The following KIRREL3 variants were observed in gnomAD, a reference collection of about 807,000 sequenced individuals.
KIRREL3 encodes the protein kirre like nephrin family adhesion molecule 3, also known as kin of IRRE-like protein 3.
In KIRREL3, 36 loss-of-function variants were observed where a neutral mutation model predicts 89.7. The observed-to-expected ratio is 0.40, with a 90% confidence interval of 0.31 to 0.53. KIRREL3 has a LOEUF of 0.53. KIRREL3 is among the 20% of genes least tolerant of loss of function. The pLI, the probability that KIRREL3 is intolerant of heterozygous loss-of-function variation, is 0.49. For synonymous variants in KIRREL3, 445 were observed against 441.4 expected (o/e 1.01, Z -0.10); for missense variants, 864 against 1,056.6 (o/e 0.82, Z 2.53).
rs1307851526 is a variant in KIRREL3, at chr11:126,769,524, A to T, written c.56-206612T>A. 1.3e-5 allele frequency among the ~76,000 whole-genome samples: 2 copies of T among 152,206 alleles called. No homozygotes were observed. The highest frequency in any genetic ancestry group is 4.8e-5 in the African/African-American group (2 of 41,462). ...CAGTTAATGAGAACGATAGGTATTGATTTGCATATGATATTCATGCATTTT... is the reference window on the plus strand; with the variant it reads ...CAGTTAATGAGAACGATAGGTATTGTTTTGCATATGATATTCATGCATTTT... On this transcript the variant is annotated intron_variant, in intron 1 of 16. Transcript: ENST00000525144. The surrounding 1 kb of genome is among the most constrained non-coding windows in gnomAD (Gnocchi z 4.3).
At chr11:126,842,909 A>G (rs1266085819) in intron 1 of KIRREL3, among the ~76,000 whole-genome samples, 3 of 152,008 alleles carry the variant, frequency 2.0e-5, no homozygotes, top group African/African-American at 4.8e-5. Flanking sequence ...TCTCCATCGG[A>G]GAGAATATGG....
rs1389142298 is a variant in KIRREL3, at chr11:126,817,450, G to A, written c.55+183005C>T. On this transcript the variant is annotated intron_variant, in intron 1 of 16. Coordinates refer to ENST00000525144, the MANE Select transcript of KIRREL3 (RefSeq NM_032531.4). This position sits in a 1 kb window ranked among gnomAD's most constrained non-coding sequence, Gnocchi z 5.7. ...AGCTTCCTCATTGTGGGGGACAGAA[G>A]GGGATGGTTTAGCAATATCCTCAGG... Among the ~76,000 whole-genome samples, 1 of 152,186 alleles carries A rather than the reference G, an allele frequency of 6.6e-6. No individual in the cohort carries two copies. Among genetic ancestry groups the A allele is most frequent in the Non-Finnish European group, 1.5e-5 (1 of 68,042 alleles).
In KIRREL3 at chr11:126,528,767, G is replaced by A. The variant is rs1178113281; in HGVS notation, c.134-2080C>T. ...AGAGGAGGGAGGGACTGGAGAGAGA[G>A]CAAAGGAGTGAAGTGAGGACGTGGG... On this transcript the variant is annotated intron_variant, in intron 2 of 16. Coordinates refer to ENST00000525144, the MANE Select transcript of KIRREL3 (RefSeq NM_032531.4). The surrounding 1 kb of genome is among the most constrained non-coding windows in gnomAD (Gnocchi z 4.6). 6.8e-6 allele frequency among the ~76,000 whole-genome samples: 1 copy of A among 146,748 alleles called. No homozygotes were observed. Among genetic ancestry groups the A allele is most frequent in the Admixed American group, 6.9e-5 (1 of 14,582 alleles).
At chr11:126,466,954 C>G (rs11220508) in intron 5 of KIRREL3, among the ~76,000 whole-genome samples, 26,071 of 152,230 alleles carry the variant, frequency 0.17, 2,712 homozygotes, top group East Asian at 0.38. Context: ...GCTGCCAGCC[C>G]CCGGCTCGCC....
At chr11:126,902,135 TC>T (rs1437375055) in intron 1 of KIRREL3, among the ~76,000 whole-genome samples, 1 of 152,234 alleles carries the variant, frequency 6.6e-6, no homozygotes, top group Non-Finnish European at 1.5e-5. Context: ...GGAGGCTTGT[TC>T]CAGTGGTCTC....
At position 126,432,966 on chromosome 11, in the gene KIRREL3, C is replaced by T. The variant is rs1331314620; in HGVS notation, c.1589-1440G>A. On this transcript the variant is annotated intron_variant, in intron 13 of 16. Transcript: ENST00000525144. The surrounding 1 kb of genome is among the most constrained non-coding windows in gnomAD (Gnocchi z 6.2). ...CGATCTCAGTTCACTGCAACCTCCG[C>T]CTCCTGGGTTCAAGCGATTCTCCTG... Among the ~76,000 whole-genome samples, 1 of 152,182 alleles carries T rather than the reference C, an allele frequency of 6.6e-6. No homozygotes were observed. The highest frequency in any genetic ancestry group is 1.9e-4 in the East Asian group (1 of 5,182).
In KIRREL3 at chr11:126,444,981, T is replaced by C. The variant is rs1405178211; in HGVS notation, c.1250A>G (p.Asn417Ser). 1 of 1,613,684 alleles carries C rather than the reference T, an allele frequency of 6.2e-7. No individual in the cohort carries two copies. Among genetic ancestry groups the C allele is most frequent in the Non-Finnish European group, 8.5e-7 (1 of 1,179,868 alleles). Residue 417 changes from asparagine (N) to serine (S), a missense_variant and splice_region_variant, in exon 10 of 17, where the codon AAT becomes AGT. Transcript: ENST00000525144. ...GCTCACCCCAGCGAGGGTCTTACCA[T>C]TGACGGTCAGGGTCACCTCTCTCTC... ...AGEREVTLTV[N>S]GPPIISSTQT... is the part of the protein sequence containing the mutation.
At position 126,640,140 on chromosome 11, in the gene KIRREL3, T is replaced by C. The variant is rs1253348436; in HGVS notation, c.56-77228A>G. 2.6e-5 allele frequency among the ~76,000 whole-genome samples: 4 copies of C among 152,176 alleles called. No individual in the cohort carries two copies. ...TTTACCCTGCATTGTACTAAAAAAA[T>C]AAGGCATAGAAGCTCTATGATTTTC... On this transcript the variant is annotated intron_variant, in intron 1 of 16. Transcript: ENST00000525144. This position sits in a 1 kb window ranked among gnomAD's most constrained non-coding sequence, Gnocchi z 4.9.
rs1957500880 is a variant in KIRREL3, at chr11:126,491,132, A to ATTGTG, written c.434-17667_434-17666insCACAA. 6.6e-6 allele frequency among the ~76,000 whole-genome samples: 1 copy of ATTGTG among 152,186 alleles called. No individual in the cohort carries two copies. Among genetic ancestry groups the ATTGTG allele is most frequent in the African/African-American group, 2.4e-5 (1 of 41,452 alleles). On this transcript the variant is annotated intron_variant, in intron 4 of 16. Transcript: ENST00000525144. This position sits in a 1 kb window ranked among gnomAD's most constrained non-coding sequence, Gnocchi z 5.5. ...TCCCAAAGACAAGCCCTGAGTCTCC[A>ATTGTG]GGCCACCACTTTCTACCTGCGTGGA...
At chr11:126,910,899 T>G (rs1946789206) in intron 1 of KIRREL3, among the ~76,000 whole-genome samples, 2 of 152,224 alleles carry the variant, frequency 1.3e-5, no homozygotes, top group African/African-American at 4.8e-5. Flanking sequence ...CCAGCAGTGA[T>G]GCTGGACTAG....
Position 126,579,309 on chromosome 11 carries a change from C to A in KIRREL3, c.56-16397G>T, listed in dbSNP as rs1181740704. On this transcript the variant is annotated intron_variant, in intron 1 of 16. Transcript: ENST00000525144. This position sits in a 1 kb window ranked among gnomAD's most constrained non-coding sequence, Gnocchi z 5.3. ...CCAATTTCTTAAATTGCATCCAGGG[C>A]CAAGGGGTGCAAGCTGCTCTGTCAG... Among the ~76,000 whole-genome samples the A allele has an allele frequency of 6.6e-6, 1 of 152,058 alleles. No homozygotes were observed. Among genetic ancestry groups the A allele is most frequent in the Non-Finnish European group, 1.5e-5 (1 of 68,006 alleles).
At chr11:126,681,220 G>A (rs948491181) in intron 1 of KIRREL3, among the ~76,000 whole-genome samples, 20 of 152,168 alleles carry the variant, frequency 1.3e-4, no homozygotes, top group Admixed American at 4.6e-4. Context: ...TAGATAGGCT[G>A]CCTAGGGTCT....
rs1377547363 is a variant in KIRREL3 at position 126,802,569 on chromosome 11, G to C, written c.55+197886C>G. Among the ~76,000 whole-genome samples, 1 of 152,120 alleles carries C rather than the reference G, an allele frequency of 6.6e-6. No individual in the cohort carries two copies. Among genetic ancestry groups the C allele is most frequent in the African/African-American group, 2.4e-5 (1 of 41,422 alleles). ...GACCTGGCATGTCTACATGGCCTCA[G>C]TGTGAGTGAGTGTGGGCATGTGTGT... On this transcript the variant is annotated intron_variant, in intron 1 of 16. Coordinates refer to ENST00000525144, the MANE Select transcript of KIRREL3 (RefSeq NM_032531.4). The surrounding 1 kb of genome is among the most constrained non-coding windows in gnomAD (Gnocchi z 5.2).
rs1938393801 is a variant in KIRREL3, at chr11:126,541,878, C to T, written c.134-15191G>A. 6.6e-6 allele frequency among the ~76,000 whole-genome samples: 1 copy of T among 152,228 alleles called. No individual in the cohort carries two copies. The highest frequency in any genetic ancestry group is 1.5e-5 in the Non-Finnish European group (1 of 68,038). On this transcript the variant is annotated intron_variant, in intron 2 of 16. Coordinates refer to ENST00000525144, the MANE Select transcript of KIRREL3 (RefSeq NM_032531.4). The surrounding 1 kb of genome is among the most constrained non-coding windows in gnomAD (Gnocchi z 4.8). ...TGATGTTCCCACTGCACAGTGAAGG[C>T]ATTTTCACACCTTTTGAAAGTTCAT...
In KIRREL3 at chr11:126,430,907, C is replaced by T. The variant is rs1369573431; in HGVS notation, c.1696+512G>A. On this transcript the variant is annotated intron_variant, in intron 14 of 16. Coordinates refer to ENST00000525144, the MANE Select transcript of KIRREL3 (RefSeq NM_032531.4). This position sits in a 1 kb window ranked among gnomAD's most constrained non-coding sequence, Gnocchi z 6.6. The stretch of plus-strand genomic sequence containing the variant: ...GCAATTCTTCAAGCGTGCACAAACA[C>T]TAGAATTTTATTGGTAATCACTGAA... 1.1e-6 allele frequency: 1 copy of T among 928,178 alleles called. No homozygotes were observed. The highest frequency in any genetic ancestry group is 1.3e-6 in the Non-Finnish European group (1 of 771,462). 57.5% of individuals were successfully genotyped at this position (928,178 alleles called of 1,614,324 possible).
At chr11:126,598,017 G>C (rs1204548427) in intron 1 of KIRREL3, among the ~76,000 whole-genome samples, 1 of 152,222 alleles carries the variant, frequency 6.6e-6, no homozygotes, top group African/African-American at 2.4e-5. Flanking sequence ...GAGGTAATTT[G>C]AGCAGAGTGG....
intron 1 of KIRREL3, among the ~76,000 whole-genome samples, chr11:126,584,920 C>CTT (rs56653553): frequency 1.1e-3 from 169 of 147,992 alleles, no homozygotes; most frequent in Middle Eastern, 3.5e-3. Context: ...CTTTGCTTTT[C>CTT]TTTTTTTTTT....
chr11:126,880,529 G>GTGAAAGCATGGATATAAAATTTATATCC (rs1337181272), intron 1 of KIRREL3, among the ~76,000 whole-genome samples: 3 of 152,130 alleles, frequency 2.0e-5, no homozygotes, highest in Non-Finnish European at 4.4e-5. Flanking sequence ...TGTAAAATTA[G>GTGAAAGCATGGATATAAAATTTATATCC]ATGTCATTGT....
At chr11:126,856,482 AT>A (rs934990840) in intron 1 of KIRREL3, among the ~76,000 whole-genome samples, 5 of 151,804 alleles carry the variant, frequency 3.3e-5, no homozygotes, top group African/African-American at 1.2e-4. Flanking sequence ...AAAATGAAAA[AT>A]AACTCATAAT....
Sources: gnomAD v4.1 joint callset for allele counts (sites outside exome capture counted in the v4.1 genomes callset) on GRCh38, gnomAD v4.1.1 for gene constraint, Gnocchi (gnomAD v3.1) non-coding constraint, MANE v1.5 for transcripts, NCBI Gene and HGNC (gene_info 2026-07-23, HGNC 2026-07-21) for gene names.